The following DGCR2 variants were observed in gnomAD, a reference collection of about 807,000 sequenced individuals.
DGCR2 encodes the protein DiGeorge syndrome critical region gene 2, also known as integral membrane protein DGCR2/IDD.
In DGCR2, 24 loss-of-function variants were observed where a neutral mutation model predicts 51.6. That is an observed-to-expected ratio of 0.47 (90% CI 0.34 to 0.65). The LOEUF is 0.65. Ranked by LOEUF, DGCR2 falls within the 30% of genes least tolerant of loss-of-function variation. DGCR2 has a pLI of 0.01. For synonymous variants in DGCR2, 340 were observed against 315.4 expected, an observed-to-expected ratio of 1.08 and a Z score of -0.82; for missense variants, 765 against 772.1, an observed-to-expected ratio of 0.99 and a Z score of 0.11.
At chr22:19,063,590 C>A (rs1247026861) in intron 4 of DGCR2, among the ~76,000 whole-genome samples, 4 of 151,654 alleles carry the variant, frequency 2.6e-5, no homozygotes, top group Non-Finnish European at 4.4e-5. Context: ...ACCTCATGAC[C>A]CACCCGCCTC....
At chr22:19,120,115 GCCT>G (rs934769248) in intron 1 of DGCR2, among the ~76,000 whole-genome samples, 17 of 152,294 alleles carry the variant, frequency 1.1e-4, no homozygotes, top group African/African-American at 4.1e-4. Context: ...AGGCCCAGAG[GCCT>G]GCCCTCCCTG....
chr22:19,093,730 C>T (rs2083106193), intron 1 of DGCR2, among the ~76,000 whole-genome samples: 1 of 152,146 alleles, frequency 6.6e-6, no homozygotes, highest in Admixed American at 6.6e-5. Context: ...AGTGCAATGG[C>T]TTATACCTGT....
chr22:19,087,327 A>T (rs993915362), intron 2 of DGCR2, among the ~76,000 whole-genome samples: 16 of 152,234 alleles, frequency 1.1e-4, no homozygotes, highest in Admixed American at 1.0e-3. Context: ...TCTACCAGAG[A>T]CACGCATAAT....
chr22:19,057,095 C>T lies in DGCR2; in HGVS notation c.693G>A (p.Val231=). ...GGAAGCACTGAAGCTGGGCACAGAA[C>T]ACGTTGTCGTTCTCAGACATGGCCG... ...FASAMSENDN[V]FCAQLQCFHF... Residue 231 remains valine, a synonymous_variant, in exon 6 of 10, where the codon GTG becomes GTA. Coordinates refer to ENST00000263196, the MANE Select transcript of DGCR2 (RefSeq NM_005137.3). This position sits in a 1 kb window ranked among gnomAD's most constrained non-coding sequence, Gnocchi z 5.1. 6.2e-7 allele frequency: 1 copy of T among 1,606,828 alleles called. No homozygotes were observed. The highest frequency in any genetic ancestry group is 8.5e-7 in the Non-Finnish European group (1 of 1,176,788).
At chr22:19,120,408 T>C (rs1162106912) in intron 1 of DGCR2, among the ~76,000 whole-genome samples, 1 of 152,082 alleles carries the variant, frequency 6.6e-6, no homozygotes, top group African/African-American at 2.4e-5. Context: ...GTGTGACAAG[T>C]GACTTACACC....
At chr22:19,103,416 C>CT (rs55877455) in intron 1 of DGCR2, among the ~76,000 whole-genome samples, 1,383 of 67,666 alleles carry the variant, frequency 0.02, 288 homozygotes, top group Non-Finnish European at 0.03. Flanking sequence ...AAAAAAAGTT[C>CT]TTTTTTTTTT....
At position 19,075,446 on chromosome 22, in the gene DGCR2, CA is replaced by C. The variant is rs35578082; in HGVS notation, c.203-7222del. Reference sequence around the variant, plus strand: ...TGGGCCACAGAGCAAGACTCTGTCTCAAAAAAAAAAAAAGAGTGTACAGTTA... The same window carrying C: ...TGGGCCACAGAGCAAGACTCTGTCTCAAAAAAAAAAAAGAGTGTACAGTTA... On this transcript the variant is annotated intron_variant, in intron 2 of 9. Transcript: ENST00000263196. Among the ~76,000 whole-genome samples, 427 of 135,898 alleles carry C rather than the reference CA, an allele frequency of 3.1e-3. 1 individual carries two copies. The highest frequency in any genetic ancestry group is 5.0e-3 in the African/African-American group (187 of 37,656). The allele number at this position is 135,898 out of a possible 152,430, so 89.2% of individuals were successfully genotyped here. A position where few individuals can be genotyped will look rare whatever the true frequency, so the allele number is the denominator to read the frequency against.
At chr22:19,084,083 C>A (rs1438911652) in intron 2 of DGCR2, among the ~76,000 whole-genome samples, 3 of 152,126 alleles carry the variant, frequency 2.0e-5, no homozygotes, top group Non-Finnish European at 4.4e-5. Flanking sequence ...CCTCCACCTC[C>A]CAGCCGCCTG....
intron 1 of DGCR2, among the ~76,000 whole-genome samples, chr22:19,113,382 TAAA>T (rs10709293): frequency 7.0e-6 from 1 of 142,810 alleles, no homozygotes; most frequent in Admixed American, 6.9e-5. Flanking sequence ...AAAATAAAAA[TAAA>T]AAAAAAAAAA....
At chr22:19,114,251 T>C (rs2083350107) in intron 1 of DGCR2, among the ~76,000 whole-genome samples, 1 of 152,146 alleles carries the variant, frequency 6.6e-6, no homozygotes, top group Non-Finnish European at 1.5e-5. Flanking sequence ...ATTCCATTTA[T>C]GTAAAATATT....
intron 1 of DGCR2, among the ~76,000 whole-genome samples, chr22:19,102,419 G>A (rs1361167735): frequency 6.6e-6 from 1 of 151,964 alleles, no homozygotes; most frequent in Non-Finnish European, 1.5e-5. Context: ...TGGTTAAAAT[G>A]GGGCCGGGCG....
chr22:19,056,450 C>A, intron 6 of DGCR2: 1 of 544,584 alleles, frequency 1.8e-6, no homozygotes, highest in Non-Finnish European at 3.4e-6. Context: ...CAGCGCCATC[C>A]TGCGAAGCCA....
chr22:19,112,660 T>C (rs2083329391), intron 1 of DGCR2, among the ~76,000 whole-genome samples: 1 of 143,754 alleles, frequency 7.0e-6, no homozygotes, highest in Middle Eastern at 3.5e-3. Flanking sequence ...GGTTTAGAAC[T>C]TCTGGGCTCA....
At chr22:19,042,008 G>A (rs775318795) in intron 7 of DGCR2, 49 bp from the exon 8 acceptor site, 36 of 1,579,082 alleles carry the variant, frequency 2.3e-5, no homozygotes, top group Middle Eastern at 2.0e-4. Context: ...GGCCACCCTC[G>A]TGCTACGCTG....
At chr22:19,044,554 G>A (rs1186830798) in intron 7 of DGCR2, among the ~76,000 whole-genome samples, 2 of 152,220 alleles carry the variant, frequency 1.3e-5, no homozygotes, top group Non-Finnish European at 2.9e-5. Flanking sequence ...CCATGCCTCT[G>A]GGAACCTCAT....
In DGCR2 at chr22:19,102,004, G is replaced by A. The variant is rs553270490; in HGVS notation, c.80-12514C>T. Among the ~76,000 whole-genome samples the A allele has an allele frequency of 3.9e-5, 6 of 152,036 alleles. No individual in the cohort carries two copies. In the South Asian group the frequency reaches 8.3e-4, roughly 21 times the overall value. On this transcript the variant is annotated intron_variant, in intron 1 of 9. Coordinates refer to ENST00000263196, the MANE Select transcript of DGCR2 (RefSeq NM_005137.3). ...TGGGAAGCAGAGGTTGCAGTGAGCC[G>A]AGATCGCATCACTATACTCCAGCCT... is the stretch of plus-strand genomic sequence containing the variant.
At chr22:19,106,285 C>T (rs1288803258) in intron 1 of DGCR2, among the ~76,000 whole-genome samples, 9 of 152,178 alleles carry the variant, frequency 5.9e-5, no homozygotes. Context: ...CATATGCCAC[C>T]CTTAGGAACA....
chr22:19,063,364 C>CTCCGTCTCAAA, intron 4 of DGCR2, 86 bp from the exon 5 acceptor site: 1 of 1,301,444 alleles, frequency 7.7e-7, no homozygotes, highest in Non-Finnish European at 1.1e-6. Context: ...TTTTTTGAGA[C>CTCCGTCTCAAA]AGAGTCTCGC....
intron 1 of DGCR2, among the ~76,000 whole-genome samples, chr22:19,100,918 A>C (rs1383679412): frequency 6.6e-6 from 1 of 152,040 alleles, no homozygotes; most frequent in African/African-American, 2.4e-5. Context: ...CAGCCTGGCC[A>C]ACATGATGAA....
Sources: allele counts gnomAD v4.1 joint callset (sites outside exome capture counted in the v4.1 genomes callset), GRCh38; gene constraint gnomAD v4.1.1; non-coding constraint Gnocchi (gnomAD v3.1); transcripts MANE v1.5; gene names NCBI Gene and HGNC (gene_info 2026-07-23, HGNC 2026-07-21).